The following LITAF variants were observed in gnomAD, a reference collection of about 807,000 sequenced individuals.
LITAF encodes lipopolysaccharide-induced tumor necrosis factor-alpha factor.
A neutral mutation model predicts 14.5 loss-of-function variants in LITAF; 9 were observed. The ratio of observed to expected loss-of-function variants is 0.62; its 90% CI spans 0.37 to 1.08. The LOEUF (loss-of-function observed/expected upper bound fraction) is 1.08. Ranked by LOEUF, LITAF falls within the 50% of genes least tolerant of loss-of-function variation. LITAF has a pLI of 0.01. For missense variants in LITAF, 206 were observed against 213.4 expected (o/e 0.97, Z 0.22); for synonymous variants, 98 against 88.2 (o/e 1.11, Z -0.62).
At chr16:11,639,760 C>T (rs1355089082), upstream of LITAF, among the ~76,000 whole-genome samples, 4 of 152,016 alleles carry the variant, frequency 2.6e-5, no homozygotes, top group Non-Finnish European at 4.4e-5. Flanking sequence ...TTTGGGAGGC[C>T]GAGGAGGGCG....
intron 3 of LITAF, among the ~76,000 whole-genome samples, chr16:11,610,727 A>G (rs1262349683): frequency 6.6e-6 from 1 of 152,150 alleles, no homozygotes; most frequent in Non-Finnish European, 1.5e-5. Context: ...CACTGCACAA[A>G]TGCAGGGGGC....
intron 1 of LITAF, among the ~76,000 whole-genome samples, chr16:11,574,466 C>A (rs539764726): frequency 6.6e-6 from 1 of 152,170 alleles, no homozygotes; most frequent in Non-Finnish European, 1.5e-5. Flanking sequence ...ACACTGGTCA[C>A]TTTTACACCC....
Position 11,576,554 on chromosome 16 carries a change from A to AAAAAAGAC in LITAF, c.-6+10331_-6+10332insGTCTTTTT, listed in dbSNP as rs1555469756. 4.5e-3 allele frequency among the ~76,000 whole-genome samples: 521 copies of AAAAAAGAC among 116,612 alleles called. 21 individuals are homozygous for AAAAAAGAC. Among genetic ancestry groups the AAAAAAGAC allele is most frequent in the South Asian group, 8.8e-3 (32 of 3,632 alleles). 76.5% of individuals were successfully genotyped at this position (116,612 alleles called of 152,430 possible). Reference sequence around the variant, plus strand: ...ATCTGCAAAAAAAAAAAAAAAAAAAAAGAGAGAGAGAAAGAGAAAAAGAGA... The same window carrying AAAAAAGAC: ...ATCTGCAAAAAAAAAAAAAAAAAAAAAAAAAGACAGAGAGAGAGAAAGAGAAAAAGAGA... On this transcript the variant is annotated intron_variant, in intron 1 of 3. Transcript: ENST00000622633.
Position 11,605,087 on chromosome 16 carries a change from C to T in LITAF, c.85+28446G>A, listed in dbSNP as rs8058935. Among the ~76,000 whole-genome samples the T allele has an allele frequency of 0.024, 3,728 of 152,290 alleles. 177 individuals carry two copies. The highest frequency in any genetic ancestry group is 0.085 in the African/African-American group (3,537 of 41,544). ...GTGGGGCACTTGAATGGGTCCCTCA[C>T]CCGTGTGCAGGCCCTCAGGGCTCCC... On this transcript the variant is annotated intron_variant, in intron 3 of 3. Coordinates refer to the LITAF transcript ENST00000574848. The surrounding 1 kb of genome is among the most constrained non-coding windows in gnomAD (Gnocchi z 4.7).
chr16:11,556,918 G>A (rs548329742), intron 1 of LITAF, among the ~76,000 whole-genome samples, 183 bp from the exon 2 acceptor site: 1 of 152,156 alleles, frequency 6.6e-6, no homozygotes, highest in Non-Finnish European at 1.5e-5. Flanking sequence ...TAATCAAAAA[G>A]TAAATAATTA....
At chr16:11,596,899 G>A (rs928754105) in intron 1 of LITAF, among the ~76,000 whole-genome samples, 8 of 152,114 alleles carry the variant, frequency 5.3e-5, no homozygotes, top group African/African-American at 1.2e-4. Context: ...CCAGGCCCTG[G>A]AATGTAAAAG....
chr16:11,548,491 C>A lies in LITAF; in HGVS notation c.*1146G>T. 1 of 453,984 alleles carries A rather than the reference C, an allele frequency of 2.2e-6. No individual in the cohort carries two copies. The allele number at this position is 453,984 out of a possible 1,614,324, so 28.1% of individuals were successfully genotyped here. ...CTTTCAAAACCCACCACCAGGAAACCAAAACGGACCCCACTCTGAGAGTTC... is the reference window on the plus strand; with the variant it reads ...CTTTCAAAACCCACCACCAGGAAACAAAAACGGACCCCACTCTGAGAGTTC... On this transcript the variant is annotated 3_prime_UTR_variant, in exon 4 of 4. Coordinates refer to ENST00000622633, the MANE Select transcript of LITAF (RefSeq NM_001136472.2).
In LITAF at chr16:11,568,957, G is replaced by T. The variant is rs561791424; in HGVS notation, c.-5-12222C>A. Among the ~76,000 whole-genome samples, 3 of 152,176 alleles carry T rather than the reference G, an allele frequency of 2.0e-5. No homozygotes were observed. The South Asian group carries it at 6.2e-4, about 32-fold the overall frequency. The stretch of plus-strand genomic sequence containing the variant: ...AGCCTCCCAAAGTGCTGGAATTACA[G>T]GCATGAGCCACTGTGTTCAGCCTGA... On this transcript the variant is annotated intron_variant, in intron 1 of 3. Coordinates refer to ENST00000622633, the MANE Select transcript of LITAF (RefSeq NM_001136472.2).
intron 1 of LITAF, among the ~76,000 whole-genome samples, chr16:11,569,090 G>A (rs181870135): frequency 4.7e-4 from 71 of 152,284 alleles, no homozygotes; most frequent in African/African-American, 1.4e-3. Flanking sequence ...CGAGTAGGAC[G>A]GATAGTGTCC....
At chr16:11,571,669 A>G (rs1296325981) in intron 1 of LITAF, among the ~76,000 whole-genome samples, 1 of 152,076 alleles carries the variant, frequency 6.6e-6, no homozygotes, top group African/African-American at 2.4e-5. Flanking sequence ...CCTCTGGTTC[A>G]AACTTCAATC....
At chr16:11,570,956 G>C (rs944744276) in intron 1 of LITAF, among the ~76,000 whole-genome samples, 1 of 152,000 alleles carries the variant, frequency 6.6e-6, no homozygotes, top group Non-Finnish European at 1.5e-5. Flanking sequence ...GGCTTTGAAG[G>C]GGGAGGAAGG....
At chr16:11,589,891 T>C (rs534443795), upstream of LITAF, among the ~76,000 whole-genome samples, 1 of 151,600 alleles carries the variant, frequency 6.6e-6, no homozygotes, top group South Asian at 2.1e-4. Flanking sequence ...CCCAAAGTGC[T>C]GGGATTACAG....
chr16:11,576,963 T>C (rs2064646364), intron 1 of LITAF, among the ~76,000 whole-genome samples: 1 of 152,220 alleles, frequency 6.6e-6, no homozygotes, highest in African/African-American at 2.4e-5. Context: ...GACTTACGGA[T>C]AATGTGGGAA....
Position 11,634,508 on chromosome 16 carries a change from T to G in LITAF, c.-20-871A>C, listed in dbSNP as rs184354828. Among the ~76,000 whole-genome samples the G allele has an allele frequency of 1.3e-5, 2 of 152,276 alleles. No homozygotes were observed. Among genetic ancestry groups the G allele is most frequent in the African/African-American group, 4.8e-5 (2 of 41,552 alleles). ...CCACAAGATTTGCAACTTCCCCTAT[T>G]GCCCCTGCAGATAACATCACTATTG... On this transcript the variant is annotated intron_variant, in intron 2 of 3. Transcript: ENST00000574848. This position sits in a 1 kb window ranked among gnomAD's most constrained non-coding sequence, Gnocchi z 4.1.
intron 1 of LITAF, chr16:11,598,353 G>T (rs35974869): frequency 0.048 from 7,124 of 148,320 alleles, 244 homozygotes; most frequent in Non-Finnish European, 0.07. Flanking sequence ...GCTTGCAAAA[G>T]AACCTCCTTG....
At chr16:11,621,058 G>A (rs894780464) in intron 3 of LITAF, among the ~76,000 whole-genome samples, 3 of 141,594 alleles carry the variant, frequency 2.1e-5, no homozygotes, top group African/African-American at 8.7e-5. Flanking sequence ...ACCACACCCA[G>A]TTAATTTTTT....
intron 1 of LITAF, among the ~76,000 whole-genome samples, chr16:11,594,316 T>A (rs573198109): frequency 4.0e-5 from 6 of 149,420 alleles, no homozygotes; most frequent in Admixed American, 2.7e-4. Flanking sequence ...ATTTTTTTTT[T>A]AACATAAACC....
chr16:11,617,319 A>T (rs1015654333), intron 3 of LITAF, among the ~76,000 whole-genome samples: 20 of 152,124 alleles, frequency 1.3e-4, no homozygotes, highest in African/African-American at 4.8e-4. Flanking sequence ...AAATGTATGA[A>T]AATGTCCCCC....
At chr16:11,620,284 G>C (rs2065042068) in intron 3 of LITAF, among the ~76,000 whole-genome samples, 1 of 152,178 alleles carries the variant, frequency 6.6e-6, no homozygotes, top group Non-Finnish European at 1.5e-5. Context: ...GATTGGCTTG[G>C]GCCATCCCCT....
Sources: allele counts gnomAD v4.1 joint callset (sites outside exome capture counted in the v4.1 genomes callset), GRCh38; gene constraint gnomAD v4.1.1; non-coding constraint Gnocchi (gnomAD v3.1); transcripts MANE v1.5; gene names NCBI Gene and HGNC (gene_info 2026-07-23, HGNC 2026-07-21).